CACNA1F: variants seen among roughly 807,000 people sequenced by gnomAD.
CACNA1F encodes the protein voltage-dependent L-type calcium channel subunit alpha-1F.
Under a neutral mutation model 143.8 loss-of-function variants are expected in CACNA1F, and 59 were observed. That is an observed-to-expected ratio of 0.41 (90% CI 0.33 to 0.51). The LOEUF (loss-of-function observed/expected upper bound fraction) is 0.51. Ranked by LOEUF, CACNA1F falls within the 20% of genes least tolerant of loss-of-function variation. The probability of loss-of-function intolerance (pLI) is 0.22; values close to 1 mark genes in which losing one functional copy is unlikely to be tolerated. For synonymous variants in CACNA1F, 643 were observed against 649.1 expected, an observed-to-expected ratio of 0.99 and a Z score of 0.14; for missense variants, 1,411 against 1,647.5, an observed-to-expected ratio of 0.86 and a Z score of 2.48.
chrX:49,205,856 G>C, intron 46 of CACNA1F, 43 bp from the exon 47 acceptor site: 5 of 1,098,923 alleles, frequency 4.5e-6, no homozygotes, highest in Non-Finnish European at 4.9e-6. Flanking sequence ...TGGATGAGTA[G>C]GGTATGAGGG....
chrX:49,209,796 G>A (rs2065637731), intron 40 of CACNA1F, 37 bp from the exon 41 acceptor site: 1 of 1,205,417 alleles, frequency 8.3e-7, no homozygotes, highest in African/African-American at 1.8e-5. Context: ...TCACACAGGG[G>A]CCCTCTGACC....
chrX:49,227,284 T>G (rs1252673478), intron 8 of CACNA1F, among the ~76,000 whole-genome samples, 157 bp from the exon 9 acceptor site: 2 of 111,977 alleles, frequency 1.8e-5, no homozygotes, highest in Admixed American at 9.5e-5. Flanking sequence ...CTTGGAATGC[T>G]TTTCCCTCAG....
At position 49,213,670 on chromosome X, in the gene CACNA1F, G is replaced by A. The variant is rs1441724063; in HGVS notation, c.3792+149C>T. On this transcript the variant is annotated intron_variant, in intron 31 of 47. Transcript: ENST00000323022. ...TTTTGCTGAACCCAACAGGGACTCAGAAGAGATAGAGCTAGAATGAGGACT... is the reference window on the plus strand; with the variant it reads ...TTTTGCTGAACCCAACAGGGACTCAAAAGAGATAGAGCTAGAATGAGGACT... 22 of 532,422 alleles carry A rather than the reference G, an allele frequency of 4.1e-5. No homozygotes were observed. The Admixed American group carries it at 5.2e-4, about 13-fold the overall frequency. The allele number at this position is 532,422 out of a possible 1,213,427, so 43.9% of individuals were successfully genotyped here. A position where few individuals can be genotyped will look rare whatever the true frequency, so the allele number is the denominator to read the frequency against.
chrX:49,212,877 A>G, intron 32 of CACNA1F, 82 bp from the exon 33 acceptor site: 2 of 1,168,311 alleles, frequency 1.7e-6, no homozygotes, highest in Non-Finnish European at 2.3e-6. Context: ...CCCTCCCAGT[A>G]CCCAAATCAC....
In CACNA1F at chrX:49,205,867, T is replaced by C. The variant is rs2065590651; in HGVS notation, c.5473-54A>G. On this transcript the variant is annotated intron_variant, in intron 46 of 47. Coordinates refer to ENST00000323022, the MANE Select transcript of CACNA1F (RefSeq NM_001256789.3). ...GGGATGGATGAGTAGGGTATGAGGG[T>C]CTAGGACTCACCGCTGTGCCTACTT... 1.5e-5 allele frequency: 16 copies of C among 1,040,488 alleles called. No individual in the cohort carries two copies. The South Asian group carries it at 3.0e-4, about 20-fold the overall frequency. 85.7% of individuals were successfully genotyped at this position (1,040,488 alleles called of 1,213,427 possible).
Position 49,226,055 on chromosome X carries a change from C to T in CACNA1F, c.1505G>A (p.Arg502Gln), listed in dbSNP as rs1468488300. 3.4e-6 allele frequency: 4 copies of T among 1,187,240 alleles called. No individual in the cohort carries two copies. In the South Asian group the frequency reaches 5.5e-5, roughly 16 times the overall value. Residue 502 changes from arginine (R) to glutamine (Q), a missense_variant, in exon 13 of 48, where the codon CGA becomes CAA. Transcript: ENST00000323022. ...MKTRVCRRLRRANRVLRARCR... is the reference protein window; with the variant it reads ...MKTRVCRRLRQANRVLRARCR... ...GCGTGCCCGAAGGACCCGGTTGGCT[C>T]GGCGGAGGCGGCGGCTGGGGGAAGG...
chrX:49,205,632 T>A lies in CACNA1F; in HGVS notation c.5654A>T (p.Asp1885Val), dbSNP rs1557104673. Residue 1885 changes from aspartate to valine, a missense_variant, in exon 47 of 48, where the codon GAC (aspartate) becomes GTC (valine). Around this residue, in one of 3 missense-constraint regions of CACNA1F, gnomAD observed 349 missense variants for 350.2 expected, o/e 1.00. Transcript: ENST00000323022. ...DPSHGKRGSA[D>V]SLVEAVLISE... Reference sequence around the variant, plus strand: ...TGGACTCACAGCCTCCACCAAGCTGTCGGCACTGCCCCTCTTCCCATGGCT... The same window carrying A: ...TGGACTCACAGCCTCCACCAAGCTGACGGCACTGCCCCTCTTCCCATGGCT... The A allele has an allele frequency of 8.3e-7, 1 of 1,202,150 alleles. No homozygotes were observed. Among genetic ancestry groups the A allele is most frequent in the Admixed American group, 2.2e-5 (1 of 45,138 alleles).
At chrX:49,231,991 T>C in intron 1 of CACNA1F, 64 bp from the exon 2 acceptor site, 2 of 1,055,429 alleles carry the variant, frequency 1.9e-6, no homozygotes, top group East Asian at 6.6e-5. Flanking sequence ...GCTTCCTACC[T>C]GATCCTGTCC....
intron 27 of CACNA1F, among the ~76,000 whole-genome samples, chrX:49,215,823 A>AT (rs1557107288): frequency 1.8e-5 from 2 of 108,935 alleles, no homozygotes; most frequent in African/African-American, 6.7e-5. Context: ...AGACCCAGAA[A>AT]TCCCCTAAGT....
At chrX:49,221,844 G>A (rs5906757) in intron 17 of CACNA1F, among the ~76,000 whole-genome samples, 58,961 of 107,271 alleles carry the variant, frequency 0.55, 13,573 homozygotes, top group Middle Eastern at 0.72. Context: ...TTAGCTGAGC[G>A]TGGTGGTGTA....
rs782023569 is a variant in CACNA1F, at chrX:49,212,677, T to G, written c.3932A>C (p.Lys1311Thr). The change falls in exon 33 of 48, where the codon AAG becomes ACG. Residue 1311 changes from lysine to threonine, a missense_variant. By Grantham distance (78) the Lys-to-Thr change is moderately conservative. Transcript: ENST00000323022. Reference protein sequence around the residue: ...GIRTLLWTFIKSFQALPYVAL... With the variant: ...GIRTLLWTFITSFQALPYVAL... ...GGGGTAGGGGATTACCTGGAAGGAC[T>G]TGATGAATGTCCAGAGCAATGTGCG... 5.8e-6 allele frequency: 7 copies of G among 1,209,667 alleles called. No homozygotes were observed. In the Admixed American group the frequency reaches 1.5e-4, roughly 26 times the overall value.
intron 47 of CACNA1F, 35 bp downstream of exon 47, chrX:49,205,581 C>G (rs1557104646): frequency 2.6e-6 from 3 of 1,167,161 alleles, no homozygotes; most frequent in Non-Finnish European, 3.5e-6. Context: ...CCCCTTCTCC[C>G]CCATCCGTCT....
At chrX:49,213,672 A>C in intron 31 of CACNA1F, 147 bp downstream of exon 31, 1 of 535,421 alleles carries the variant, frequency 1.9e-6, no homozygotes, top group South Asian at 2.4e-5. Flanking sequence ...GGGACTCAGA[A>C]GAGATAGAGC....
At position 49,228,416 on chromosome X, in the gene CACNA1F, A is replaced by G. The variant is rs1557110547; in HGVS notation, c.849T>C (p.Cys283=). Residue 283 remains cysteine (C), a synonymous_variant, in exon 7 of 48, where the codon TGT becomes TGC. Transcript: ENST00000323022. ...ACGCACGCCCTGATCCCGAAGACGCACAGGGCGATGGGTCCTCCTCCGCTT... is the reference window on the plus strand; with the variant it reads ...ACGCACGCCCTGATCCCGAAGACGCGCAGGGCGATGGGTCCTCCTCCGCTT... ...DMEAEEDPSP[C]ASSGSGRACT... 1 of 1,207,782 alleles carries G rather than the reference A, an allele frequency of 8.3e-7. No homozygotes were observed. Among genetic ancestry groups the G allele is most frequent in the Middle Eastern group, 2.3e-4 (1 of 4,330 alleles).
At chrX:49,229,427 G>T (rs2147922950) in intron 6 of CACNA1F, among the ~76,000 whole-genome samples, 1 of 112,223 alleles carries the variant, frequency 8.9e-6, no homozygotes, top group South Asian at 3.7e-4. Flanking sequence ...AAAGTGCTGG[G>T]ATTACAGGCG....
In CACNA1F at chrX:49,218,436, T is replaced by G. The variant is rs1557107933; in HGVS notation, c.2928+19A>C. The G allele has an allele frequency of 9.6e-6, 11 of 1,149,963 alleles. No individual in the cohort carries two copies. In the South Asian group the frequency reaches 1.9e-4, roughly 20 times the overall value. The allele number at this position is 1,149,963 out of a possible 1,213,427, so 94.8% of individuals were successfully genotyped here. ...AGGGCAGGGCCTGGGTCCTGTGGGT[T>G]TGGGTGGGGTGGGGTTACCTTGAGT... is the stretch of plus-strand genomic sequence containing the variant. On this transcript the variant is annotated intron_variant, in intron 24 of 47. Coordinates refer to ENST00000323022, the MANE Select transcript of CACNA1F (RefSeq NM_001256789.3).
At chrX:49,231,080 A>G (rs1602657521) in intron 3 of CACNA1F, 91 bp from the exon 4 acceptor site, 2 of 788,768 alleles carry the variant, frequency 2.5e-6, no homozygotes, top group Non-Finnish European at 3.7e-6. Context: ...GTCAGGACCG[A>G]GGGTGGGGCT....
chrX:49,218,853 G>A, intron 22 of CACNA1F, 29 bp downstream of exon 22: 1 of 1,165,459 alleles, frequency 8.6e-7, no homozygotes, highest in Non-Finnish European at 1.2e-6. Context: ...CAGGGCAACT[G>A]AGGGTAGGAC....
chrX:49,213,756 C>T (rs1557106751), intron 31 of CACNA1F, 63 bp downstream of exon 31: 9 of 830,461 alleles, frequency 1.1e-5, no homozygotes, highest in South Asian at 4.1e-5. Context: ...AAGGGAACCC[C>T]GGGATAGAGG....
Sources: gnomAD v4.1 joint callset for allele counts (sites outside exome capture counted in the v4.1 genomes callset) on GRCh38, gnomAD v4.1.1 for gene constraint, gnomAD v4.1.1 regional missense constraint, MANE v1.5 for transcripts, NCBI Gene and HGNC (gene_info 2026-07-23, HGNC 2026-07-21) for gene names.